KANSL1: variants seen among roughly 807,000 people sequenced by gnomAD.
KANSL1 encodes the protein KAT8 regulatory NSL complex subunit 1.
KANSL1 carries 22 observed loss-of-function variants against 103.6 expected under a neutral mutation model. The observed-to-expected ratio is 0.21, with a 90% CI of 0.15 to 0.30. KANSL1 has a LOEUF of 0.30. Among genes scored for constraint, KANSL1 ranks in the 10% least tolerant of loss-of-function variants. KANSL1 has a pLI of 1.00. For missense variants in KANSL1, 1,337 were observed against 1,399.8 expected (o/e 0.96, Z 0.72); for synonymous variants, 600 against 527.6 (o/e 1.14, Z -1.88).
At chr17:46,105,103 G>A (rs1259883068) in intron 2 of KANSL1, among the ~76,000 whole-genome samples, 5 of 152,098 alleles carry the variant, frequency 3.3e-5, no homozygotes, top group African/African-American at 7.2e-5. Flanking sequence ...GTGAGCAACC[G>A]CACATGGCCT....
rs886053059 is a variant in KANSL1, at chr17:46,030,042, A to G, written c.*1434T>C. ...AGCTTCTCTGAAGAAAAGCATTTCT[A>G]TAGAACAAAGACAGCTACATGTTTC... On this transcript the variant is annotated 3_prime_UTR_variant, in exon 15 of 15. Transcript: ENST00000432791. 1 of 152,264 alleles carries G rather than the reference A, an allele frequency of 6.6e-6. No individual in the cohort carries two copies. The highest frequency in any genetic ancestry group is 1.9e-4 in the East Asian group (1 of 5,186). The allele number at this position is 152,264 out of a possible 1,614,324, so 9.4% of individuals were successfully genotyped here. A position where few individuals can be genotyped will look rare whatever the true frequency, so the allele number is the denominator to read the frequency against.
At chr17:46,129,636 T>C (rs929526681) in intron 2 of KANSL1, among the ~76,000 whole-genome samples, 4 of 152,182 alleles carry the variant, frequency 2.6e-5, no homozygotes, top group African/African-American at 7.2e-5. Context: ...AGACAAAATA[T>C]ATTTAGCAAG....
upstream of KANSL1, among the ~76,000 whole-genome samples, chr17:46,198,415 C>T (rs2047684085): frequency 8.5e-6 from 1 of 117,696 alleles, no homozygotes; most frequent in South Asian, 2.8e-4. Flanking sequence ...CTTGGACCTA[C>T]TTTAATTAAA....
intron 6 of KANSL1, among the ~76,000 whole-genome samples, chr17:46,055,505 G>A (rs1029016709): frequency 3.3e-5 from 5 of 151,250 alleles, no homozygotes; most frequent in Admixed American, 2.0e-4. Flanking sequence ...ATTCTTGACT[G>A]TAACAACAAA....
intron 2 of KANSL1, among the ~76,000 whole-genome samples, chr17:46,148,953 T>C (rs1276561534): frequency 6.6e-6 from 1 of 151,348 alleles, no homozygotes; most frequent in Non-Finnish European, 1.5e-5. Context: ...CCTAATCAAG[T>C]TACCAAATTC....
chr17:46,113,158 C>T (rs577676407), intron 2 of KANSL1, among the ~76,000 whole-genome samples: 1 of 152,240 alleles, frequency 6.6e-6, no homozygotes, highest in African/African-American at 2.4e-5. Context: ...CCAGAGATGC[C>T]GCTAACCATA....
intron 10 of KANSL1, chr17:46,037,661 T>C (rs529759489): frequency 1.3e-5 from 2 of 152,320 alleles, no homozygotes; most frequent in East Asian, 3.9e-4. Context: ...AACCTACATC[T>C]CAAAAGGCAT....
intron 7 of KANSL1, chr17:46,040,415 T>C (rs2077275981): frequency 6.6e-6 from 1 of 152,562 alleles, no homozygotes. Context: ...TTTAGCTGAC[T>C]GGTTAATGTT....
chr17:46,139,342 A>G (rs1021456239), intron 2 of KANSL1, among the ~76,000 whole-genome samples: 4 of 152,070 alleles, frequency 2.6e-5, no homozygotes, highest in African/African-American at 9.6e-5. Context: ...TTTAAATACC[A>G]TGACAAATAT....
intron 2 of KANSL1, among the ~76,000 whole-genome samples, chr17:46,130,869 G>C (rs146682924): frequency 0.013 from 1,905 of 152,214 alleles, 17 homozygotes; most frequent in Non-Finnish European, 0.022. Flanking sequence ...CACTTACAGG[G>C]GTACAGAGGA....
intron 6 of KANSL1, among the ~76,000 whole-genome samples, chr17:46,055,621 G>A (rs1380511822): frequency 6.6e-6 from 1 of 152,014 alleles, no homozygotes; most frequent in Non-Finnish European, 1.5e-5. Flanking sequence ...GGGGAGGGGA[G>A]ACAAGGCAAA....
In KANSL1 at chr17:46,031,206, G is replaced by C. The variant is rs1395477046; in HGVS notation, c.*270C>G. On this transcript the variant is annotated 3_prime_UTR_variant, in exon 15 of 15. Coordinates refer to ENST00000432791, the MANE Select transcript of KANSL1 (RefSeq NM_015443.4). ...AGTCCAGTGATTCAACAGTGCAGAG[G>C]ATGTGCCAGGACCAGGCCAGCAGGG... 1.8e-6 allele frequency: 1 copy of C among 559,564 alleles called. No individual in the cohort carries two copies. Among genetic ancestry groups the C allele is most frequent in the Non-Finnish European group, 3.2e-6 (1 of 311,654 alleles). The allele number at this position is 559,564 out of a possible 1,614,324, so 34.7% of individuals were successfully genotyped here.
At chr17:46,125,063 G>A in intron 2 of KANSL1, among the ~76,000 whole-genome samples, 1 of 49,230 alleles carries the variant, frequency 2.0e-5, no homozygotes, top group Non-Finnish European at 5.0e-5. Context: ...AGGGAGGAGG[G>A]AGGGAGGAGG....
chr17:46,177,870 C>A (rs566602863), intron 1 of KANSL1, among the ~76,000 whole-genome samples: 1 of 152,058 alleles, frequency 6.6e-6, no homozygotes, highest in Non-Finnish European at 1.5e-5. Flanking sequence ...CTCCACCTCC[C>A]GGGTTCACGC....
At chr17:46,152,342 GACAA>G (rs67257527) in intron 2 of KANSL1, among the ~76,000 whole-genome samples, 18,527 of 149,652 alleles carry the variant, frequency 0.12, 21 homozygotes, top group Middle Eastern at 0.19. Context: ...ACGTATTTCA[GACAA>G]ACATTCACTT....
intron 2 of KANSL1, among the ~76,000 whole-genome samples, chr17:46,149,935 TG>T (rs2044991009): frequency 1.3e-5 from 2 of 151,610 alleles, no homozygotes; most frequent in Non-Finnish European, 2.9e-5. Flanking sequence ...GGCAGGAGAA[TG>T]GTGTGAACCC....
intron 2 of KANSL1, among the ~76,000 whole-genome samples, chr17:46,143,500 A>G (rs1567724333): frequency 8.9e-6 from 1 of 111,832 alleles, no homozygotes; most frequent in Non-Finnish European, 2.4e-5. Context: ...GTCTCAAAAA[A>G]TAAATAAATA....
chr17:46,111,445 G>T (rs2042800557), intron 2 of KANSL1, among the ~76,000 whole-genome samples: 2 of 152,268 alleles, frequency 1.3e-5, no homozygotes, highest in South Asian at 4.1e-4. Flanking sequence ...CCTGACCTCA[G>T]ATGATCCCCC....
rs1159160665 is a variant in KANSL1 at position 46,077,863 on chromosome 17, T to C, written c.1533+4578A>G. On this transcript the variant is annotated intron_variant, in intron 4 of 14. Transcript: ENST00000432791. The stretch of plus-strand genomic sequence containing the variant: ...ATGAGCCACCGTGCTCGGCCTAAAG[T>C]TTCATACATTTGTAAACTGACTGTT... 2.0e-5 allele frequency among the ~76,000 whole-genome samples: 3 copies of C among 152,234 alleles called. No homozygotes were observed. In the East Asian group the frequency reaches 5.8e-4, roughly 29 times the overall value.
Sources: gnomAD v4.1 joint callset for allele counts (sites outside exome capture counted in the v4.1 genomes callset) on GRCh38, gnomAD v4.1.1 for gene constraint, MANE v1.5 for transcripts, NCBI Gene and HGNC (gene_info 2026-07-23, HGNC 2026-07-21) for gene names.